The following TYW1 variants were observed in gnomAD, a reference collection of about 807,000 sequenced individuals.
TYW1 encodes the protein S-adenosyl-L-methionine-dependent tRNA 4-demethylwyosine synthase TYW1.
Under a neutral mutation model 96.2 loss-of-function variants are expected in TYW1, and 46 were observed. The ratio of observed to expected loss-of-function variants is 0.48; its 90% CI spans 0.38 to 0.61. The LOEUF is 0.61. TYW1 is among the 20% of genes least tolerant of loss of function. The probability of loss-of-function intolerance (pLI) is 0.00; values close to 1 mark genes in which losing one functional copy is unlikely to be tolerated. For synonymous variants in TYW1, 274 were observed against 323.0 expected (o/e 0.85, Z 1.63); for missense variants, 684 against 909.6 (o/e 0.75, Z 3.19).
At chr7:67,181,069 A>G (rs376020268) in intron 13 of TYW1, among the ~76,000 whole-genome samples, 1 of 151,608 alleles carries the variant, frequency 6.6e-6, no homozygotes, top group East Asian at 1.9e-4. Context: ...TGATTTGCTC[A>G]TTCTGTTTTG....
At chr7:67,146,483 T>C (rs1462590747) in intron 13 of TYW1, among the ~76,000 whole-genome samples, 7 of 137,070 alleles carry the variant, frequency 5.1e-5, no homozygotes, top group African/African-American at 1.7e-4. Context: ...AATAAAAATA[T>C]AACATAGGCT....
At chr7:67,023,976 A>T (rs1340153530) in intron 6 of TYW1, among the ~76,000 whole-genome samples, 4 of 152,098 alleles carry the variant, frequency 2.6e-5, no homozygotes, top group Non-Finnish European at 5.9e-5. Flanking sequence ...GGGTATATGA[A>T]CATTGTGTTG....
intron 7 of TYW1, among the ~76,000 whole-genome samples, chr7:67,037,771 C>T (rs1299069001): frequency 6.6e-6 from 1 of 151,910 alleles, no homozygotes; most frequent in Non-Finnish European, 1.5e-5. Context: ...AATTTGAGAC[C>T]AGCCTCGGCA....
chr7:67,211,857 G>A (rs919766840), intron 15 of TYW1, among the ~76,000 whole-genome samples: 4 of 152,106 alleles, frequency 2.6e-5, no homozygotes, highest in Non-Finnish European at 5.9e-5. Flanking sequence ...AATGACTTAG[G>A]TCAGCGTCTT....
At chr7:67,158,424 G>C (rs1799054414) in intron 13 of TYW1, among the ~76,000 whole-genome samples, 1 of 151,872 alleles carries the variant, frequency 6.6e-6, no homozygotes, top group Non-Finnish European at 1.5e-5. Flanking sequence ...GTTGGCTTTT[G>C]TCAAATGCTT....
At chr7:67,030,335 G>A (rs1032612719) in intron 7 of TYW1, among the ~76,000 whole-genome samples, 1 of 152,110 alleles carries the variant, frequency 6.6e-6, no homozygotes. Flanking sequence ...AGGGTCAAAG[G>A]TCAGATATAT....
intron 13 of TYW1, among the ~76,000 whole-genome samples, chr7:67,180,292 A>G (rs77589805): frequency 0.2 from 25,578 of 127,972 alleles, 6,383 homozygotes; most frequent in East Asian, 0.31. Context: ...AACTAAGAAC[A>G]GAGAGGTAAT....
At chr7:67,071,971 C>A (rs1796043793) in intron 10 of TYW1, among the ~76,000 whole-genome samples, 1 of 150,040 alleles carries the variant, frequency 6.7e-6, no homozygotes, top group Non-Finnish European at 1.5e-5. Flanking sequence ...TCTGCCTTAG[C>A]CTTTGCTTCC....
chr7:67,094,754 G>C (rs2115838375), intron 11 of TYW1, among the ~76,000 whole-genome samples: 1 of 151,672 alleles, frequency 6.6e-6, no homozygotes, highest in African/African-American at 2.4e-5. Flanking sequence ...TATGTTCTAA[G>C]AAGAATGTGT....
At chr7:67,207,553 T>G (rs930592373) in intron 15 of TYW1, among the ~76,000 whole-genome samples, 17 of 152,174 alleles carry the variant, frequency 1.1e-4, no homozygotes, top group African/African-American at 4.1e-4. Flanking sequence ...GTCATCCCTA[T>G]CTACTGTACT....
intron 15 of TYW1, 132 bp downstream of exon 15, chr7:67,195,469 T>C: frequency 7.3e-7 from 1 of 1,363,918 alleles, no homozygotes; most frequent in Non-Finnish European, 1.0e-6. Context: ...AAAACAAAAA[T>C]AAGAGAGCAC....
At chr7:67,072,251 T>TTC (rs1796051466) in intron 10 of TYW1, among the ~76,000 whole-genome samples, 1 of 149,862 alleles carries the variant, frequency 6.7e-6, no homozygotes, top group African/African-American at 2.5e-5. Context: ...CTACCCACTT[T>TTC]TTTTTTTTTT....
At position 67,143,189 on chromosome 7, in the gene TYW1, A is replaced by G. The variant is rs189178550; in HGVS notation, c.1698+25571A>G. On this transcript the variant is annotated intron_variant, in intron 13 of 15. Transcript: ENST00000359626. ...CACCAACTCTTGCTTTGTGCGTAGT[A>G]TATTTCAAGTTCTGTGCTAGGCCGG... 2.0e-5 allele frequency among the ~76,000 whole-genome samples: 3 copies of G among 152,270 alleles called. No individual in the cohort carries two copies. In the East Asian group the frequency reaches 5.8e-4, roughly 29 times the overall value.
intron 5 of TYW1, among the ~76,000 whole-genome samples, chr7:67,015,764 C>T (rs1305051354): frequency 6.6e-6 from 1 of 152,030 alleles, no homozygotes; most frequent in Non-Finnish European, 1.5e-5. Context: ...AGATCGAGAC[C>T]ATCCTGGCTA....
intron 13 of TYW1, among the ~76,000 whole-genome samples, chr7:67,128,476 T>G (rs1380165168): frequency 6.6e-6 from 1 of 152,182 alleles, no homozygotes; most frequent in Non-Finnish European, 1.5e-5. Flanking sequence ...TCTGGTCGGG[T>G]TATCCCAACA....
intron 15 of TYW1, among the ~76,000 whole-genome samples, chr7:67,207,681 C>CTTCTTTTT (rs71052407): frequency 8.6e-6 from 1 of 116,580 alleles, no homozygotes; most frequent in African/African-American, 3.2e-5. Flanking sequence ...TTTTGTTTGC[C>CTTCTTTTT]TTTTTTTTTT....
chr7:67,031,924 T>C (rs974951111), intron 7 of TYW1, among the ~76,000 whole-genome samples: 2 of 152,238 alleles, frequency 1.3e-5, no homozygotes, highest in African/African-American at 2.4e-5. Context: ...GCAAGACACA[T>C]ACACATCATC....
intron 10 of TYW1, among the ~76,000 whole-genome samples, chr7:67,073,941 G>A (rs577327213): frequency 6.6e-6 from 1 of 151,190 alleles, no homozygotes; most frequent in African/African-American, 2.4e-5. Flanking sequence ...CATTAGCCGG[G>A]CGTGGTGGCG....
intron 13 of TYW1, among the ~76,000 whole-genome samples, chr7:67,140,443 A>G (rs1798413170): frequency 1.3e-5 from 2 of 152,238 alleles, no homozygotes; most frequent in Admixed American, 6.5e-5. Context: ...TAAAGTTGGT[A>G]CACTTTTAAA....
Sources: allele counts gnomAD v4.1 joint callset (sites outside exome capture counted in the v4.1 genomes callset), GRCh38; gene constraint gnomAD v4.1.1; transcripts MANE v1.5; gene names NCBI Gene and HGNC (gene_info 2026-07-23, HGNC 2026-07-21).